Variants in ZNF790 observed in about 807,000 individuals in gnomAD.
The protein encoded by ZNF790 is zinc finger protein 790.
A neutral mutation model predicts 12.1 loss-of-function variants in ZNF790; 8 were observed. The observed-to-expected ratio is 0.66, with a 90% CI of 0.39 to 1.19. ZNF790 has a LOEUF of 1.19. ZNF790 is among the 50% of genes most tolerant of loss of function. ZNF790 has a pLI of 0.01. For synonymous variants in ZNF790, 252 were observed against 244.3 expected (o/e 1.03, Z -0.29); for missense variants, 707 against 752.2 (o/e 0.94, Z 0.70).
At chr19:36,825,270 C>T (rs190784766) in intron 2 of ZNF790, among the ~76,000 whole-genome samples, 2 of 152,326 alleles carry the variant, frequency 1.3e-5, no homozygotes, top group Admixed American at 1.3e-4. Context: ...AAATAAAAGC[C>T]TTTATGTAGT....
At chr19:36,836,344 T>C (rs567382888) in intron 1 of ZNF790, among the ~76,000 whole-genome samples, 270 of 152,184 alleles carry the variant, frequency 1.8e-3, no homozygotes, top group African/African-American at 6.4e-3. Flanking sequence ...TGTCTGCTTT[T>C]ATCAGCCTGC....
intron 4 of ZNF790, among the ~76,000 whole-genome samples, chr19:36,822,771 C>T (rs774669685): frequency 2.6e-5 from 4 of 152,066 alleles, no homozygotes; most frequent in Non-Finnish European, 4.4e-5. Context: ...AACTCCTGAC[C>T]TCAGGTGGAC....
chr19:36,838,680 C>T (rs2072100732), upstream of ZNF790, among the ~76,000 whole-genome samples: 1 of 152,176 alleles, frequency 6.6e-6, no homozygotes, highest in African/African-American at 2.4e-5. The surrounding 1 kb of genome is among the most constrained non-coding windows in gnomAD (Gnocchi z 4.4). Context: ...ACAGTAAGCC[C>T]AGGCCATCTT....
chr19:36,838,995 G>A (rs2072104400), upstream of ZNF790, among the ~76,000 whole-genome samples: 1 of 152,244 alleles, frequency 6.6e-6, no homozygotes, highest in African/African-American at 2.4e-5. The surrounding 1 kb of genome is among the most constrained non-coding windows in gnomAD (Gnocchi z 4.4). Context: ...GCCCTATAGG[G>A]GTACCCTGTC....
intron 1 of ZNF790, among the ~76,000 whole-genome samples, chr19:36,828,757 G>A (rs533021099): frequency 1.3e-5 from 2 of 152,310 alleles, no homozygotes; most frequent in Admixed American, 1.3e-4. Context: ...GGAATTACAG[G>A]TGTAGGCCAC....
At chr19:36,839,809 T>C (rs899920741), upstream of ZNF790, among the ~76,000 whole-genome samples, 1 of 152,042 alleles carries the variant, frequency 6.6e-6, no homozygotes, top group Admixed American at 6.6e-5. Flanking sequence ...ACGCCTGTAA[T>C]CCCAGCACTT....
At position 36,818,342 on chromosome 19, in the gene ZNF790, T is replaced by C; in HGVS notation, c.*91A>G. The C allele has an allele frequency of 7.8e-7, 1 of 1,285,254 alleles. No homozygotes were observed. Among genetic ancestry groups the C allele is most frequent in the Non-Finnish European group, 1.0e-6 (1 of 959,896 alleles). 79.6% of individuals were successfully genotyped at this position (1,285,254 alleles called of 1,614,324 possible). A position where few individuals can be genotyped will look rare whatever the true frequency, so the allele number is the denominator to read the frequency against. On this transcript the variant is annotated 3_prime_UTR_variant, in exon 5 of 5. Coordinates refer to ENST00000356725, the MANE Select transcript of ZNF790 (RefSeq NM_206894.4). Reference sequence around the variant, plus strand: ...CTGTTAAAATGCCTTCCAATATTACTTACATTTGTGGTGTTCCTCAAGAGA... The same window carrying C: ...CTGTTAAAATGCCTTCCAATATTACCTACATTTGTGGTGTTCCTCAAGAGA...
At chr19:36,849,728 A>G (rs1403513259) in intron 1 of ZNF790, among the ~76,000 whole-genome samples, 3 of 152,006 alleles carry the variant, frequency 2.0e-5, no homozygotes, top group African/African-American at 7.2e-5. Flanking sequence ...CAGTCATAGT[A>G]TCAGCTACCC....
intron 4 of ZNF790, among the ~76,000 whole-genome samples, chr19:36,820,588 A>G (rs1222243536): frequency 6.6e-6 from 1 of 152,198 alleles, no homozygotes; most frequent in Non-Finnish European, 1.5e-5. Flanking sequence ...GGAGATAATT[A>G]TGGGTGATAG....
intron 1 of ZNF790, among the ~76,000 whole-genome samples, chr19:36,846,159 G>C (rs2072178733): frequency 1.3e-5 from 2 of 151,946 alleles, no homozygotes; most frequent in Admixed American, 1.3e-4. Flanking sequence ...CACATTCATT[G>C]TCCACTTCCC....
intron 1 of ZNF790, among the ~76,000 whole-genome samples, chr19:36,844,907 G>GA (rs2072163756): frequency 6.7e-6 from 1 of 150,198 alleles, no homozygotes; most frequent in Non-Finnish European, 1.5e-5. Context: ...AATTAGCCGG[G>GA]CGTAGTGGCG....
At chr19:36,833,767 C>T (rs1254955758) in intron 1 of ZNF790, among the ~76,000 whole-genome samples, 2 of 152,036 alleles carry the variant, frequency 1.3e-5, no homozygotes, top group Admixed American at 6.6e-5. Context: ...TTTCCCCTCA[C>T]GACACAAAAA....
At chr19:36,841,541 A>G (rs998993387), upstream of ZNF790, among the ~76,000 whole-genome samples, 7 of 151,640 alleles carry the variant, frequency 4.6e-5, no homozygotes, top group African/African-American at 1.7e-4. Flanking sequence ...AACCTCTTCA[A>G]CCTGGGGAAT....
rs74454048 is a variant in ZNF790 at position 36,847,260 on chromosome 19, A to G, written c.-74+2742T>C. Among the ~76,000 whole-genome samples, 790 of 152,072 alleles carry G rather than the reference A, an allele frequency of 5.2e-3. 22 individuals carry two copies. The highest frequency in any genetic ancestry group is 0.039 in the Admixed American group (589 of 15,268). On this transcript the variant is annotated intron_variant, in intron 1 of 4. Transcript: ENST00000528994. ...TCCCAGCTACTCGGGAGGCTGAGGC[A>G]GAATTGCTTGAACCCGGGAGGCAGT...
In ZNF790 at chr19:36,821,217, G is replaced by A. The variant is rs756171621; in HGVS notation, c.230-1103C>T. On this transcript the variant is annotated intron_variant, in intron 4 of 4. Transcript: ENST00000356725. Reference sequence around the variant, plus strand: ...TGTTATCAGTTTTTCTTGGGAGACAGCAAGTACTCTAGCAGTGACTCAATG... The same window carrying A: ...TGTTATCAGTTTTTCTTGGGAGACAACAAGTACTCTAGCAGTGACTCAATG... 1.5e-4 allele frequency among the ~76,000 whole-genome samples: 23 copies of A among 152,056 alleles called. 1 individual carries two copies. The highest frequency in any genetic ancestry group is 3.4e-3 in the Middle Eastern group (1 of 294).
intron 1 of ZNF790, among the ~76,000 whole-genome samples, chr19:36,847,308 G>A (rs1365350974): frequency 1.3e-5 from 2 of 152,052 alleles, no homozygotes; most frequent in East Asian, 1.9e-4. Context: ...CCGAGATTGC[G>A]CCACTGCACT....
intron 4 of ZNF790, among the ~76,000 whole-genome samples, chr19:36,820,892 C>CTTTTT (rs1161286902): frequency 4.7e-5 from 6 of 127,010 alleles, no homozygotes; most frequent in African/African-American, 1.8e-4. Flanking sequence ...GAGACCCTGT[C>CTTTTT]TTTTTTTTTT....
upstream of ZNF790, among the ~76,000 whole-genome samples, chr19:36,839,662 C>G (rs1227559): frequency 0.078 from 11,895 of 152,172 alleles, 1,388 homozygotes; most frequent in African/African-American, 0.25. Flanking sequence ...AAAGTACTGG[C>G]ATTACAGGCA....
intron 1 of ZNF790, among the ~76,000 whole-genome samples, chr19:36,845,017 C>T (rs1266316307): frequency 8.7e-6 from 1 of 114,816 alleles, no homozygotes; most frequent in Non-Finnish European, 1.6e-5. Context: ...CACTGCACTC[C>T]AGCCTGGGCG....
Sources: gnomAD v4.1 joint callset for allele counts (sites outside exome capture counted in the v4.1 genomes callset) on GRCh38, gnomAD v4.1.1 for gene constraint, Gnocchi (gnomAD v3.1) non-coding constraint, MANE v1.5 for transcripts, NCBI Gene and HGNC (gene_info 2026-07-23, HGNC 2026-07-21) for gene names.